Variants in TNIK observed in about 807,000 individuals in gnomAD.
TNIK encodes the protein TRAF2 and NCK interacting kinase, also known as TRAF2 and NCK-interacting protein kinase.
TNIK carries 49 observed loss-of-function variants against 191.3 expected under a neutral mutation model. The observed-to-expected ratio is 0.26, with a 90% CI of 0.20 to 0.32. The LOEUF (loss-of-function observed/expected upper bound fraction) is 0.32. Ranked by LOEUF, TNIK falls within the 10% of genes least tolerant of loss-of-function variation. The pLI is 1.00. For synonymous variants in TNIK, 594 were observed against 600.9 expected (o/e 0.99, Z 0.17); for missense variants, 1,155 against 1,702.3 (o/e 0.68, Z 5.66).
intron 15 of TNIK, among the ~76,000 whole-genome samples, chr3:171,137,932 T>C (rs1332334744): frequency 1.3e-5 from 2 of 148,732 alleles, no homozygotes; most frequent in African/African-American, 5.0e-5. Context: ...TCTTCTGTTA[T>C]TTCCTATAAA....
chr3:171,225,662 G>T (rs909652566), intron 3 of TNIK: 1 of 454,638 alleles, frequency 2.2e-6, no homozygotes, highest in East Asian at 7.0e-5. Flanking sequence ...ACATGTTCTG[G>T]GAAAAATAAC....
chr3:171,328,524 A>T (rs1031737643), intron 2 of TNIK, among the ~76,000 whole-genome samples: 11 of 152,222 alleles, frequency 7.2e-5, no homozygotes, highest in African/African-American at 2.7e-4. Context: ...AATCCTTACC[A>T]AATTATTTTA....
intron 2 of TNIK, among the ~76,000 whole-genome samples, chr3:171,363,377 A>G (rs1479685726): frequency 1.3e-5 from 2 of 152,224 alleles, no homozygotes; most frequent in Non-Finnish European, 2.9e-5. Flanking sequence ...AGATAATCTG[A>G]TTACGCACTT....
At chr3:171,308,426 A>T (rs1753688740) in intron 2 of TNIK, among the ~76,000 whole-genome samples, 1 of 152,138 alleles carries the variant, frequency 6.6e-6, no homozygotes, top group African/African-American at 2.4e-5. Context: ...TGCATCAAAA[A>T]TTTCAATGTA....
chr3:171,233,447 T>C (rs1743911401), intron 2 of TNIK, among the ~76,000 whole-genome samples: 1 of 147,394 alleles, frequency 6.8e-6, no homozygotes. Flanking sequence ...TGTCTGTCTG[T>C]CTATCTATCT....
At chr3:171,182,360 A>C (rs1736777016) in intron 7 of TNIK, among the ~76,000 whole-genome samples, 1 of 152,100 alleles carries the variant, frequency 6.6e-6, no homozygotes, top group Non-Finnish European at 1.5e-5. Context: ...AAGACACTTC[A>C]GAACTTAAGT....
chr3:171,071,439 A>G (rs1719159961), intron 28 of TNIK, 116 bp from the exon 29 acceptor site: 1 of 779,710 alleles, frequency 1.3e-6, no homozygotes, highest in Middle Eastern at 3.8e-4. Flanking sequence ...GTTGGGTGTC[A>G]GCTTCATGAA....
At chr3:171,354,606 A>C (rs962038398) in intron 2 of TNIK, among the ~76,000 whole-genome samples, 3 of 152,170 alleles carry the variant, frequency 2.0e-5, no homozygotes, top group African/African-American at 7.2e-5. Context: ...TCCAGAGTTG[A>C]TTGTTAGAAA....
At chr3:171,314,458 T>C (rs1754378762) in intron 2 of TNIK, among the ~76,000 whole-genome samples, 1 of 152,174 alleles carries the variant, frequency 6.6e-6, no homozygotes, top group South Asian at 2.1e-4. Flanking sequence ...AAGTTGATGT[T>C]GCCATCCCAT....
intron 2 of TNIK, among the ~76,000 whole-genome samples, chr3:171,242,159 TAA>T (rs59090516): frequency 3.5e-5 from 5 of 142,466 alleles, no homozygotes; most frequent in Admixed American, 6.9e-5. Flanking sequence ...GAACTTAAAT[TAA>T]AAAAAAAAAA....
chr3:171,293,378 A>T (rs1277337627), intron 2 of TNIK, among the ~76,000 whole-genome samples: 1 of 152,224 alleles, frequency 6.6e-6, no homozygotes, highest in African/African-American at 2.4e-5. Context: ...CCATTTAGTA[A>T]GTCTTCACTC....
chr3:171,346,390 T>C (rs1449146483), intron 2 of TNIK, among the ~76,000 whole-genome samples: 1 of 152,152 alleles, frequency 6.6e-6, no homozygotes, highest in Non-Finnish European at 1.5e-5. Flanking sequence ...GATATGTAAG[T>C]ATGATTCCTT....
chr3:171,157,562 C>T lies in TNIK; in HGVS notation c.1119G>A (p.Leu373=), dbSNP rs866394378. The T allele has an allele frequency of 6.4e-7, 1 of 1,561,156 alleles. No individual in the cohort carries two copies. The highest frequency in any genetic ancestry group is 1.9e-5 in the Admixed American group (1 of 52,200). The change falls in exon 12 of 33, where the codon CTG becomes CTA. Residue 373 remains leucine (L), a synonymous_variant. Transcript: ENST00000436636. ...ERSEALRRQQ[L]EQQQRENEEH... is the part of the protein sequence containing the mutation. ...CCTCATTCTCCCGCTGCTGCTGCTC[C>T]AGCTGCTGCCTCCGTAGGGCCTCAG...
chr3:171,281,930 G>A (rs371727983), intron 2 of TNIK, among the ~76,000 whole-genome samples: 64 of 152,266 alleles, frequency 4.2e-4, no homozygotes, highest in African/African-American at 1.5e-3. Context: ...GAACCCAGTT[G>A]AGCCTGACTG....
chr3:171,191,813 T>G (rs1738100064), intron 5 of TNIK, among the ~76,000 whole-genome samples: 1 of 152,240 alleles, frequency 6.6e-6, no homozygotes, highest in African/African-American at 2.4e-5. Flanking sequence ...TGTGAATTCT[T>G]TAACCTACAG....
At chr3:171,176,245 T>A (rs1479193944) in intron 8 of TNIK, among the ~76,000 whole-genome samples, 1 of 152,214 alleles carries the variant, frequency 6.6e-6, no homozygotes, top group Non-Finnish European at 1.5e-5. Flanking sequence ...ATTAGCATTG[T>A]GAATGAGGGC....
rs538731146 is a variant in TNIK, at chr3:171,427,016, G to C, written c.57+32991C>G. ...GTAGATCACAGACGAAAGGGATACA[G>C]AATGATAAAGCATAAAATTTGGGAG... On this transcript the variant is annotated intron_variant, in intron 1 of 32. Coordinates refer to ENST00000436636, the MANE Select transcript of TNIK (RefSeq NM_015028.4). Among the ~76,000 whole-genome samples the C allele has an allele frequency of 3.3e-5, 5 of 152,294 alleles. No homozygotes were observed. The East Asian group carries it at 9.6e-4, about 29-fold the overall frequency.
chr3:171,350,303 T>C (rs930141897), intron 2 of TNIK, among the ~76,000 whole-genome samples: 2 of 152,182 alleles, frequency 1.3e-5, no homozygotes, highest in African/African-American at 4.8e-5. Context: ...ACAAACCTGG[T>C]AGCCAATCCG....
chr3:171,369,893 T>A (rs1319419340), intron 1 of TNIK, among the ~76,000 whole-genome samples: 1 of 152,248 alleles, frequency 6.6e-6, no homozygotes, highest in African/African-American at 2.4e-5. Flanking sequence ...CTTTCCATTT[T>A]ACATTTCTAT....
Sources: allele counts gnomAD v4.1 joint callset (sites outside exome capture counted in the v4.1 genomes callset), GRCh38; gene constraint gnomAD v4.1.1; transcripts MANE v1.5; gene names NCBI Gene and HGNC (gene_info 2026-07-23, HGNC 2026-07-21).